ZSCAN5C: variants seen among roughly 807,000 people sequenced by gnomAD.
The protein encoded by ZSCAN5C is zinc finger and SCAN domain-containing protein 5C.
ZSCAN5C carries 11 observed loss-of-function variants against 17.3 expected under a neutral mutation model. The observed-to-expected ratio is 0.64, with a 90% CI of 0.40 to 1.06. The LOEUF (loss-of-function observed/expected upper bound fraction) is 1.06. Ranked by LOEUF, ZSCAN5C falls within the 50% of genes least tolerant of loss-of-function variation. The pLI is 0.00. For missense variants in ZSCAN5C, 698 were observed against 538.9 expected (o/e 1.30, Z -2.92); for synonymous variants, 229 against 208.4 (o/e 1.10, Z -0.85).
rs1229459376 is a variant in ZSCAN5C, at chr19:56,207,393, TC to T, written c.588+135del. On this transcript the variant is annotated intron_variant, in intron 3 of 4. Transcript: ENST00000534327. ...AGCCATTCCCCATGGACATGGTACA[TC>T]CCCAAACATTCATTCCTGAGCCATC... 3.5e-6 allele frequency: 2 copies of T among 575,386 alleles called. 1 individual carries two copies. Among genetic ancestry groups the T allele is most frequent in the African/African-American group, 3.8e-5 (2 of 53,046 alleles). The allele number at this position is 575,386 out of a possible 1,614,324, so 35.6% of individuals were successfully genotyped here.
intron 2 of ZSCAN5C, 111 bp downstream of exon 2, chr19:56,206,408 G>A: frequency 7.0e-7 from 1 of 1,420,292 alleles, no homozygotes; most frequent in South Asian, 1.4e-5. Context: ...GGGCTTCCAA[G>A]TAGAGGAGAG....
chr19:56,208,860 T>C (rs755676521), exon 5 of ZSCAN5C: 2 of 1,572,424 alleles, frequency 1.3e-6, no homozygotes, highest in Admixed American at 3.4e-5. Context: ...GAGAGACTCT[T>C]TCAGTGTAAT....
rs557421018 is a variant in ZSCAN5C, at chr19:56,207,266, G to A, written c.588+4G>A. Reference sequence around the variant, plus strand: ...CCCTGCACTGTTCAGGAGGCAGGTGGGTGTGTGAGGCCTTGGTGTCTGGGC... The same window carrying A: ...CCCTGCACTGTTCAGGAGGCAGGTGAGTGTGTGAGGCCTTGGTGTCTGGGC... On this transcript the variant is annotated splice_donor_region_variant and intron_variant, in intron 3 of 4. Transcript: ENST00000534327. 2.7e-4 allele frequency: 205 copies of A among 773,502 alleles called. 6 individuals carry two copies. The highest frequency in any genetic ancestry group is 2.1e-3 in the East Asian group (85 of 41,024). The allele number at this position is 773,502 out of a possible 1,614,324, so 47.9% of individuals were successfully genotyped here.
At chr19:56,207,231 T>G in exon 3 of ZSCAN5C, 3 of 779,298 alleles carry the variant, frequency 3.8e-6, no homozygotes, top group Middle Eastern at 4.5e-4. Context: ...CTGCAGACCC[T>G]GCCCAGGGTC....
exon 5 of ZSCAN5C, chr19:56,208,780 A>T (rs1170864458): frequency 6.3e-7 from 1 of 1,592,590 alleles, no homozygotes; most frequent in South Asian, 1.1e-5. Flanking sequence ...TGCCCTTTGC[A>T]TGTGAGGTGT....
intron 1 of ZSCAN5C, among the ~76,000 whole-genome samples, chr19:56,202,728 A>AT (rs533333183): frequency 7.6e-4 from 116 of 151,784 alleles, no homozygotes; most frequent in Admixed American, 1.7e-3. Flanking sequence ...TAAATGTTTA[A>AT]TTTTTTTTGT....
At chr19:56,207,012 C>A (rs1476074939) in intron 2 of ZSCAN5C, 47 bp from the exon 3 acceptor site, 2 of 686,490 alleles carry the variant, frequency 2.9e-6, no homozygotes, top group Non-Finnish European at 5.3e-6. Context: ...ATGAGAGCTA[C>A]TTTCAGGTTC....
exon 2 of ZSCAN5C, chr19:56,206,016 A>T: frequency 6.2e-7 from 1 of 1,611,900 alleles, no homozygotes; most frequent in South Asian, 1.1e-5. Flanking sequence ...TCAACTTGGA[A>T]ATCATGACAG....
At position 56,204,594 on chromosome 19, in the gene ZSCAN5C, C is replaced by G. The variant is rs922489177; in HGVS notation, c.-127-1193C>G. ...AGGAGTTTGAGTTGCTTATGTTTTG[C>G]ACAGGAGCCCCGTGAGATGTGTGGT... On this transcript the variant is annotated intron_variant, in intron 1 of 4. Coordinates refer to ENST00000534327, the Ensembl canonical transcript of ZSCAN5C. 8.6e-5 allele frequency among the ~76,000 whole-genome samples: 13 copies of G among 151,702 alleles called. 1 individual carries two copies. Among genetic ancestry groups the G allele is most frequent in the African/African-American group, 3.2e-4 (13 of 40,972 alleles).
At chr19:56,206,041 G>T (rs931274343) in exon 2 of ZSCAN5C, 33 of 1,613,188 alleles carry the variant, frequency 2.0e-5, no homozygotes, top group Non-Finnish European at 2.7e-5. Flanking sequence ...CCTGAGACTT[G>T]TCACGTGAAC....
At chr19:56,207,692 C>G (rs976122784) in intron 3 of ZSCAN5C, among the ~76,000 whole-genome samples, 1 of 151,768 alleles carries the variant, frequency 6.6e-6, no homozygotes, top group Admixed American at 6.6e-5. Flanking sequence ...TGTCTAGAGA[C>G]ATTTTTGTTG....
exon 2 of ZSCAN5C, chr19:56,206,235 G>C: frequency 6.4e-7 from 1 of 1,564,884 alleles, no homozygotes; most frequent in Non-Finnish European, 8.7e-7. Context: ...CATGATGAAC[G>C]GTGTGCAGAG....
chr19:56,203,824 T>C (rs1479896559), intron 1 of ZSCAN5C, among the ~76,000 whole-genome samples: 1 of 151,436 alleles, frequency 6.6e-6, no homozygotes. Flanking sequence ...TAATTTTGTA[T>C]TTTTAGTACA....
exon 5 of ZSCAN5C, chr19:56,209,065 G>T (rs1568592227): frequency 6.2e-7 from 1 of 1,604,910 alleles, no homozygotes; most frequent in South Asian, 1.1e-5. Context: ...TCACCTACAA[G>T]GCAAATCTGA....
chr19:56,205,192 T>A lies in ZSCAN5C; in HGVS notation c.-127-595T>A, dbSNP rs553863558. Among the ~76,000 whole-genome samples the A allele has an allele frequency of 1.8e-4, 28 of 151,912 alleles. 1 individual carries two copies. The highest frequency in any genetic ancestry group is 6.5e-4 in the African/African-American group (27 of 41,238). ...TTGCACAACATGGTGCATGTCTTAG[T>A]CCCATGAAATTGTTCACCTGAAGAG... On this transcript the variant is annotated intron_variant, in intron 1 of 4. Transcript: ENST00000534327.
At chr19:56,206,941 G>T in intron 2 of ZSCAN5C, 118 bp from the exon 3 acceptor site, 1 of 607,528 alleles carries the variant, frequency 1.6e-6, no homozygotes, top group Non-Finnish European at 3.0e-6. Flanking sequence ...TCTGCATCGG[G>T]AAGGCAGATT....
intron 3 of ZSCAN5C, among the ~76,000 whole-genome samples, chr19:56,207,794 T>C (rs1175731651): frequency 1.3e-5 from 2 of 151,674 alleles, no homozygotes; most frequent in Non-Finnish European, 2.9e-5. Context: ...AGGAGGGTGA[T>C]GCAGCCCCAA....
chr19:56,202,856 ACAC>A (rs2032885755), intron 1 of ZSCAN5C, among the ~76,000 whole-genome samples: 1 of 151,984 alleles, frequency 6.6e-6, no homozygotes, highest in South Asian at 2.1e-4. Flanking sequence ...TGCTGGCCAC[ACAC>A]CACTTGTTAA....
At chr19:56,207,501 G>C (rs2032936833) in intron 3 of ZSCAN5C, among the ~76,000 whole-genome samples, 1 of 151,468 alleles carries the variant, frequency 6.6e-6, no homozygotes, top group Non-Finnish European at 1.5e-5. Context: ...AATGGTCTCG[G>C]TGAAATAACG....
Sources: gnomAD v4.1 joint callset for allele counts (sites outside exome capture counted in the v4.1 genomes callset) on GRCh38, gnomAD v4.1.1 for gene constraint, MANE v1.5 for transcripts, NCBI Gene and HGNC (gene_info 2026-07-23, HGNC 2026-07-21) for gene names.